PHEX: variants seen among roughly 807,000 people sequenced by gnomAD.
PHEX encodes the protein phosphate-regulating neutral endopeptidase PHEX.
A neutral mutation model predicts 68.0 loss-of-function variants in PHEX; 16 were observed. The observed-to-expected ratio is 0.24, with a 90% CI of 0.16 to 0.36. PHEX has a LOEUF of 0.36. Among genes scored for constraint, PHEX ranks in the 10% least tolerant of loss-of-function variants. The pLI, the probability that PHEX is intolerant of heterozygous loss-of-function variation, is 1.00. For missense variants in PHEX, 480 were observed against 575.5 expected (o/e 0.83, Z 1.70); for synonymous variants, 208 against 205.1 (o/e 1.01, Z -0.12).
intron 2 of PHEX, among the ~76,000 whole-genome samples, chrX:22,038,815 C>T (rs937113869): frequency 1.2e-4 from 13 of 111,520 alleles, no homozygotes; most frequent in African/African-American, 4.2e-4. Context: ...TCTCTTAAGA[C>T]CCACAGGCAG....
intron 12 of PHEX, among the ~76,000 whole-genome samples, chrX:22,157,046 C>G (rs1016618450): frequency 3.6e-5 from 4 of 111,323 alleles, no homozygotes; most frequent in African/African-American, 1.3e-4. Context: ...CCACGCCCAG[C>G]TAATTTTTGT....
rs1936512932 is a variant in PHEX, at chrX:22,249,522, T to C, written c.*1569T>C. 1.1e-5 allele frequency: 1 copy of C among 92,623 alleles called. No homozygotes were observed. Among genetic ancestry groups the C allele is most frequent in the Non-Finnish European group, 2.1e-5 (1 of 48,273 alleles). The allele number at this position is 92,623 out of a possible 1,213,427, so 7.6% of individuals were successfully genotyped here. A position where few individuals can be genotyped will look rare whatever the true frequency, so the allele number is the denominator to read the frequency against. On this transcript the variant is annotated 3_prime_UTR_variant, in exon 22 of 22. Coordinates refer to ENST00000379374, the MANE Select transcript of PHEX (RefSeq NM_000444.6). ...CCTAAGTGTGTGCCATGTCCTTTTG[T>C]AGCCATGGGAACGTTTGAATGGAGA...
At chrX:22,156,187 G>A (rs765413177) in intron 12 of PHEX, among the ~76,000 whole-genome samples, 13 of 111,008 alleles carry the variant, frequency 1.2e-4, no homozygotes, top group Non-Finnish European at 1.9e-4. Context: ...CTTAAGAAGG[G>A]GTAGGGTTAG....
chrX:22,047,198 C>T lies in PHEX; in HGVS notation c.336C>T (p.Asp112=). 8.3e-7 allele frequency: 1 copy of T among 1,207,758 alleles called. No individual in the cohort carries two copies. The highest frequency in any genetic ancestry group is 1.1e-6 in the Non-Finnish European group (1 of 892,038). The change falls in exon 3 of 22, where the codon GAC becomes GAT. Residue 112 remains aspartate, a synonymous_variant. Coordinates refer to ENST00000379374, the MANE Select transcript of PHEX (RefSeq NM_000444.6). ...GVYPWLRHNV[D]LKLKELLEKS... ...ATCCTTGGCTGAGACATAATGTTGACCTCAAGTTGAAGGGTAAGTTTCTAC... is the reference window on the plus strand; with the variant it reads ...ATCCTTGGCTGAGACATAATGTTGATCTCAAGTTGAAGGGTAAGTTTCTAC...
chrX:22,226,681 A>ATATT (rs1261588599), intron 19 of PHEX, among the ~76,000 whole-genome samples, 173 bp downstream of exon 19: 2 of 111,876 alleles, frequency 1.8e-5, no homozygotes, highest in African/African-American at 6.5e-5. Flanking sequence ...AAAGAGAACT[A>ATATT]TATTTCTTTT....
intron 3 of PHEX, among the ~76,000 whole-genome samples, chrX:22,048,002 C>T (rs571700576): frequency 9.1e-6 from 1 of 109,556 alleles, no homozygotes; most frequent in East Asian, 2.8e-4. Flanking sequence ...CACCATGTAA[C>T]TTGCATTCAG....
chrX:22,240,712 A>C (rs1046727544), intron 20 of PHEX, among the ~76,000 whole-genome samples: 2 of 112,226 alleles, frequency 1.8e-5, no homozygotes, highest in African/African-American at 3.2e-5. Context: ...AGAGCTAACT[A>C]TCCTAAATAT....
At chrX:22,160,503 T>G (rs1254228865) in intron 12 of PHEX, among the ~76,000 whole-genome samples, 5 of 106,567 alleles carry the variant, frequency 4.7e-5, no homozygotes, top group Non-Finnish European at 9.7e-5. Context: ...GAGCTGAGAT[T>G]GTGGCATTGC....
At chrX:22,130,320 A>T (rs1931932785) in intron 11 of PHEX, among the ~76,000 whole-genome samples, 1 of 111,098 alleles carries the variant, frequency 9.0e-6, no homozygotes, top group Non-Finnish European at 1.9e-5. Flanking sequence ...CGGGTGGATC[A>T]CCTGAGCTCG....
intron 3 of PHEX, among the ~76,000 whole-genome samples, chrX:22,060,568 C>CTATG (rs1928315862): frequency 8.9e-6 from 1 of 111,855 alleles, no homozygotes; most frequent in Non-Finnish European, 1.9e-5. Context: ...CTGCAAAATG[C>CTATG]TATGCATGGG....
chrX:22,206,378 G>A (rs1371620161), intron 15 of PHEX, among the ~76,000 whole-genome samples: 3 of 111,906 alleles, frequency 2.7e-5, no homozygotes, highest in African/African-American at 6.5e-5. Flanking sequence ...TATTTATTGA[G>A]TGCTTACCAT....
chrX:22,181,139 G>A (rs1933871668), intron 14 of PHEX, among the ~76,000 whole-genome samples: 1 of 111,649 alleles, frequency 9.0e-6, no homozygotes, highest in East Asian at 2.8e-4. Flanking sequence ...TTGGTGGACT[G>A]TAAGGTAGCT....
At chrX:22,037,400 T>C (rs1927079010) in intron 1 of PHEX, among the ~76,000 whole-genome samples, 1 of 111,522 alleles carries the variant, frequency 9.0e-6, no homozygotes, top group Admixed American at 9.5e-5. Context: ...CATCTCCAAA[T>C]GATTCATTGT....
At chrX:22,041,934 T>C (rs781447661) in intron 2 of PHEX, among the ~76,000 whole-genome samples, 1 of 111,551 alleles carries the variant, frequency 9.0e-6, no homozygotes, top group Non-Finnish European at 1.9e-5. Context: ...AATTTTCACA[T>C]TGGCGAATGG....
intron 15 of PHEX, among the ~76,000 whole-genome samples, chrX:22,190,973 A>G (rs1934181376): frequency 8.9e-6 from 1 of 111,949 alleles, no homozygotes; most frequent in South Asian, 3.7e-4. Flanking sequence ...ACTTACATGT[A>G]TCAGGTATAT....
chrX:22,186,843 C>A (rs1275325230), intron 14 of PHEX, among the ~76,000 whole-genome samples: 1 of 112,123 alleles, frequency 8.9e-6, no homozygotes, highest in Admixed American at 9.4e-5. Context: ...GAACATTTTC[C>A]CTGCATGGCC....
At chrX:22,098,398 G>A (rs1930244970) in intron 8 of PHEX, among the ~76,000 whole-genome samples, 2 of 107,983 alleles carry the variant, frequency 1.9e-5, no homozygotes, top group African/African-American at 6.8e-5. Flanking sequence ...ACTGGAGGGG[G>A]CCAAGGGAGT....
chrX:22,140,015 A>C (rs1602330578), intron 12 of PHEX, among the ~76,000 whole-genome samples: 2 of 110,548 alleles, frequency 1.8e-5, no homozygotes, highest in East Asian at 5.7e-4. Context: ...TGCCAGCCCC[A>C]CCCCTAGAAT....
At chrX:22,236,875 G>C (rs1224289318) in intron 20 of PHEX, among the ~76,000 whole-genome samples, 2 of 112,500 alleles carry the variant, frequency 1.8e-5, no homozygotes, top group African/African-American at 6.5e-5. Flanking sequence ...TGATAGTGAA[G>C]TTACTTATAA....
Sources: allele counts gnomAD v4.1 joint callset (sites outside exome capture counted in the v4.1 genomes callset), GRCh38; gene constraint gnomAD v4.1.1; transcripts MANE v1.5; gene names NCBI Gene and HGNC (gene_info 2026-07-23, HGNC 2026-07-21).